GMDS: variants seen among roughly 807,000 people sequenced by gnomAD.
The protein encoded by GMDS is GDP-mannose 4,6 dehydratase.
In GMDS, 20 loss-of-function variants were observed where a neutral mutation model predicts 49.9. The observed-to-expected ratio is 0.40, with a 90% CI of 0.28 to 0.58. The LOEUF (loss-of-function observed/expected upper bound fraction) is 0.58, where lower values mean the gene tolerates loss of function less well. GMDS is among the 20% of genes least tolerant of loss of function. The pLI is 0.42. For missense variants in GMDS, 362 were observed against 481.4 expected (o/e 0.75, Z 2.32); for synonymous variants, 177 against 178.6 (o/e 0.99, Z 0.07).
intron 1 of GMDS, among the ~76,000 whole-genome samples, chr6:2,236,767 T>C (rs1781378626): frequency 6.6e-6 from 1 of 152,200 alleles, no homozygotes; most frequent in Admixed American, 6.5e-5. Flanking sequence ...AAGTGCCAAT[T>C]AGAGGCTTTT....
At chr6:2,035,824 T>C (rs1769273257) in intron 4 of GMDS, among the ~76,000 whole-genome samples, 1 of 152,032 alleles carries the variant, frequency 6.6e-6, no homozygotes, top group Non-Finnish European at 1.5e-5. Context: ...GCAGCTAGGA[T>C]TACAGGTGTG....
At chr6:2,217,655 T>C (rs1334127392) in intron 1 of GMDS, among the ~76,000 whole-genome samples, 1 of 152,198 alleles carries the variant, frequency 6.6e-6, no homozygotes, top group African/African-American at 2.4e-5. Context: ...TGCAAACATC[T>C]TAACACACAT....
intron 9 of GMDS, among the ~76,000 whole-genome samples, chr6:1,702,924 G>A (rs984311637): frequency 2.6e-5 from 4 of 152,176 alleles, no homozygotes; most frequent in Admixed American, 6.5e-5. Flanking sequence ...GTTGACTTAT[G>A]ACTGCTGGGG....
chr6:2,230,877 C>G (rs1367235252), intron 1 of GMDS, among the ~76,000 whole-genome samples: 4 of 148,816 alleles, frequency 2.7e-5, no homozygotes, highest in African/African-American at 9.9e-5. Context: ...AAAAAAACCC[C>G]AAAACCTTCC....
chr6:1,672,703 A>G (rs1003241914), intron 9 of GMDS, among the ~76,000 whole-genome samples: 1 of 152,224 alleles, frequency 6.6e-6, no homozygotes, highest in African/African-American at 2.4e-5. Flanking sequence ...CCAGAAAGTG[A>G]AAACCCTCCT....
intron 7 of GMDS, among the ~76,000 whole-genome samples, chr6:1,783,682 T>C (rs913610397): frequency 1.3e-5 from 2 of 152,168 alleles, no homozygotes; most frequent in African/African-American, 4.8e-5. Context: ...CTACAATAAA[T>C]ACTTGGCTAT....
rs1038657808 is a variant in GMDS at position 1,901,662 on chromosome 6, C to G, written c.771+28441G>C. Among the ~76,000 whole-genome samples the G allele has an allele frequency of 1.1e-4, 17 of 152,092 alleles. 1 individual carries two copies. The highest frequency in any genetic ancestry group is 2.9e-4 in the African/African-American group (12 of 41,404). On this transcript the variant is annotated intron_variant, in intron 7 of 10. Coordinates refer to ENST00000380815, the MANE Select transcript of GMDS (RefSeq NM_001500.4). The stretch of plus-strand genomic sequence containing the variant: ...CTTTTTTTTTGAAGCTCAGAGAACT[C>G]TACTGTGGCCTTTGATATGTCATGG...
intron 1 of GMDS, among the ~76,000 whole-genome samples, chr6:2,209,832 A>C (rs1323520552): frequency 6.6e-6 from 1 of 152,152 alleles, no homozygotes; most frequent in Non-Finnish European, 1.5e-5. Context: ...ACAGATTCTT[A>C]AGCTGTTTCA....
intron 4 of GMDS, among the ~76,000 whole-genome samples, chr6:2,013,933 T>TATATATATATATGC (rs1225948658): frequency 8.8e-5 from 1 of 11,368 alleles, no homozygotes; most frequent in African/African-American, 1.3e-4. Flanking sequence ...ACCATATATA[T>TATATATATATATGC]ATATATATAT....
intron 7 of GMDS, among the ~76,000 whole-genome samples, chr6:1,905,732 C>T (rs1352319320): frequency 1.1e-4 from 14 of 128,050 alleles, no homozygotes; most frequent in East Asian, 4.5e-4. Flanking sequence ...GCTATGGGTG[C>T]TGGCGTGTAG....
chr6:1,998,788 G>C (rs553459595), intron 4 of GMDS, among the ~76,000 whole-genome samples: 1 of 152,228 alleles, frequency 6.6e-6, no homozygotes, highest in East Asian at 1.9e-4. Flanking sequence ...GGCATCCATG[G>C]ATTTTGGTAT....
At chr6:1,750,089 CCAAAGGGCTGGGACTAAAGGA>C (rs1767661415) in intron 7 of GMDS, among the ~76,000 whole-genome samples, 1 of 152,140 alleles carries the variant, frequency 6.6e-6, no homozygotes, top group Admixed American at 6.5e-5. Context: ...CCTTGGCCTC[CCAAAGGGCTGGGACTAAAGGA>C]CTGAGCCACC....
chr6:1,843,996 C>T (rs976433747), intron 7 of GMDS, among the ~76,000 whole-genome samples: 15 of 152,192 alleles, frequency 9.9e-5, no homozygotes, highest in African/African-American at 3.6e-4. Flanking sequence ...CATCTCTCTT[C>T]TCACCTTGTT....
intron 1 of GMDS, among the ~76,000 whole-genome samples, chr6:2,162,706 ACAC>A (rs1777465652): frequency 6.9e-6 from 1 of 144,266 alleles, no homozygotes; most frequent in Non-Finnish European, 1.5e-5. Context: ...ACACACACAC[ACAC>A]AAAACTTTCC....
chr6:1,663,448 G>C (rs1281963066), intron 9 of GMDS, among the ~76,000 whole-genome samples: 1 of 152,158 alleles, frequency 6.6e-6, no homozygotes, highest in Non-Finnish European at 1.5e-5. Context: ...ATCTCTCCTA[G>C]AAGAGCAGGA....
At chr6:2,031,657 C>T (rs1488088714) in intron 4 of GMDS, among the ~76,000 whole-genome samples, 1 of 152,048 alleles carries the variant, frequency 6.6e-6, no homozygotes, top group African/African-American at 2.4e-5. Context: ...GAAACAGAAG[C>T]AAAAACAGAA....
At chr6:2,056,595 C>T (rs535384379) in intron 4 of GMDS, among the ~76,000 whole-genome samples, 9 of 152,248 alleles carry the variant, frequency 5.9e-5, no homozygotes, top group Non-Finnish European at 8.8e-5. Flanking sequence ...ATCAGAATCA[C>T]TTCAGGTGCT....
chr6:1,958,820 G>T (rs972493028), intron 6 of GMDS, among the ~76,000 whole-genome samples: 1 of 152,144 alleles, frequency 6.6e-6, no homozygotes, highest in Non-Finnish European at 1.5e-5. Context: ...AAATGATAGC[G>T]AAATTTAATA....
chr6:2,176,600 CCTGATCTG>C (rs986648239), intron 1 of GMDS, among the ~76,000 whole-genome samples: 52 of 152,144 alleles, frequency 3.4e-4, no homozygotes, highest in Middle Eastern at 6.8e-3. Flanking sequence ...GTAGAGACAA[CCTGATCTG>C]CTGGTTGGGG....
Sources: allele counts gnomAD v4.1 joint callset (sites outside exome capture counted in the v4.1 genomes callset), GRCh38; gene constraint gnomAD v4.1.1; transcripts MANE v1.5; gene names NCBI Gene and HGNC (gene_info 2026-07-23, HGNC 2026-07-21).